ADARB2: variants seen among roughly 807,000 people sequenced by gnomAD.
ADARB2 encodes inactive double-stranded RNA-specific editase B2.
A neutral mutation model predicts 62.2 loss-of-function variants in ADARB2; 25 were observed. The observed-to-expected ratio is 0.40, with a 90% CI of 0.29 to 0.56. ADARB2 has a LOEUF of 0.56. Ranked by LOEUF, ADARB2 falls within the 20% of genes least tolerant of loss-of-function variation. The pLI is 0.43. For synonymous variants in ADARB2, 572 were observed against 500.8 expected (o/e 1.14, Z -1.90); for missense variants, 1,071 against 1,077.4 (o/e 0.99, Z 0.08).
At chr10:1,473,503 C>G (rs1831355109) in intron 1 of ADARB2, among the ~76,000 whole-genome samples, 1 of 152,140 alleles carries the variant, frequency 6.6e-6, no homozygotes, top group South Asian at 2.1e-4. Context: ...CCTCAGCCTC[C>G]TGAGAAGCTG....
chr10:1,614,774 G>T (rs1011524917), intron 1 of ADARB2, among the ~76,000 whole-genome samples: 3 of 152,168 alleles, frequency 2.0e-5, no homozygotes, highest in Non-Finnish European at 4.4e-5. Context: ...AGCCGGGTGT[G>T]GTGGCGGGCA....
chr10:1,450,500 A>G (rs945529042), intron 1 of ADARB2, among the ~76,000 whole-genome samples: 7 of 152,188 alleles, frequency 4.6e-5, no homozygotes, highest in African/African-American at 1.7e-4. Flanking sequence ...TGCACCTGCA[A>G]ATGCCTCCCT....
intron 4 of ADARB2, among the ~76,000 whole-genome samples, chr10:1,244,087 C>A (rs1830954472): frequency 1.3e-5 from 2 of 152,232 alleles, no homozygotes; most frequent in East Asian, 3.8e-4. Context: ...GGGCTGCCCC[C>A]TAGCGGGGGT....
chr10:1,486,161 G>A (rs539236368), intron 1 of ADARB2, among the ~76,000 whole-genome samples: 7 of 151,812 alleles, frequency 4.6e-5, no homozygotes, highest in Non-Finnish European at 1.0e-4. Flanking sequence ...CCTCGTTAGA[G>A]GAAAAACACA....
rs374694558 is a variant in ADARB2 at position 1,409,123 on chromosome 10, C to T, written c.101-29963G>A. Among the ~76,000 whole-genome samples, 11 of 152,148 alleles carry T rather than the reference C, an allele frequency of 7.2e-5. 1 individual carries two copies. The highest frequency in any genetic ancestry group is 2.4e-4 in the African/African-American group (10 of 41,556). On this transcript the variant is annotated intron_variant, in intron 1 of 9. Coordinates refer to ENST00000381312, the MANE Select transcript of ADARB2 (RefSeq NM_018702.4). ...CATGCTCTGTTCACACCACATACCC[C>T]TGAAGCACGCTTGGCCCACGGAGCC... is the stretch of plus-strand genomic sequence containing the variant.
At chr10:1,680,084 T>C (rs1834516268) in intron 1 of ADARB2, among the ~76,000 whole-genome samples, 2 of 151,852 alleles carry the variant, frequency 1.3e-5, no homozygotes, top group South Asian at 4.2e-4. Flanking sequence ...CCCATTCCCC[T>C]ACATATTCTT....
At chr10:1,406,265 T>C (rs1326118085) in intron 1 of ADARB2, among the ~76,000 whole-genome samples, 1 of 152,204 alleles carries the variant, frequency 6.6e-6, no homozygotes, top group African/African-American at 2.4e-5. Flanking sequence ...CTTCTGTGTG[T>C]GGGCCCTCCC....
chr10:1,413,966 C>G (rs929291459), intron 1 of ADARB2, among the ~76,000 whole-genome samples: 1 of 152,110 alleles, frequency 6.6e-6, no homozygotes, highest in African/African-American at 2.4e-5. Context: ...CAGTGAAGCC[C>G]AAAAAACAAT....
At chr10:1,508,298 GAC>G (rs1831878049) in intron 1 of ADARB2, among the ~76,000 whole-genome samples, 1 of 152,204 alleles carries the variant, frequency 6.6e-6, no homozygotes, top group Non-Finnish European at 1.5e-5. Flanking sequence ...AGCTGGTGAA[GAC>G]ACACGCTATG....
intron 1 of ADARB2, among the ~76,000 whole-genome samples, chr10:1,686,333 A>G (rs1834596485): frequency 6.6e-6 from 1 of 152,238 alleles, no homozygotes; most frequent in African/African-American, 2.4e-5. Flanking sequence ...GAATGAATCA[A>G]TTGAGTCGAA....
At chr10:1,273,278 T>A (rs1831281684) in intron 3 of ADARB2, among the ~76,000 whole-genome samples, 1 of 152,196 alleles carries the variant, frequency 6.6e-6, no homozygotes, top group South Asian at 2.1e-4. Flanking sequence ...TATTTTTCTT[T>A]GAGACAGGGT....
chr10:1,400,893 G>T (rs35429538), intron 1 of ADARB2, among the ~76,000 whole-genome samples: 16,894 of 152,212 alleles, frequency 0.11, 1,005 homozygotes, highest in East Asian at 0.2. Context: ...CAGCTGTTTT[G>T]CAGCTAAGGC....
Position 1,470,466 on chromosome 10 carries a change from A to C in ADARB2, c.101-91306T>G, listed in dbSNP as rs573480876. Among the ~76,000 whole-genome samples the C allele has an allele frequency of 4.1e-4, 62 of 152,320 alleles. 2 individuals are homozygous for C. The highest frequency in any genetic ancestry group is 7.8e-4 in the Non-Finnish European group (53 of 68,022). On this transcript the variant is annotated intron_variant, in intron 1 of 9. Transcript: ENST00000381312. ...AAATCGCTGAAAATGTCAAATTAAC[A>C]GAACTTTATACTTAGCAAAATGAAA... is the stretch of plus-strand genomic sequence containing the variant.
intron 7 of ADARB2, among the ~76,000 whole-genome samples, chr10:1,209,443 C>T (rs1168638417): frequency 6.6e-6 from 1 of 150,642 alleles, no homozygotes; most frequent in Non-Finnish European, 1.5e-5. Context: ...ACACCTACAG[C>T]CTGGCCCACA....
intron 1 of ADARB2, among the ~76,000 whole-genome samples, chr10:1,687,943 C>A (rs1242295164): frequency 6.6e-6 from 1 of 152,234 alleles, no homozygotes; most frequent in Non-Finnish European, 1.5e-5. Context: ...TTGCTTGTCA[C>A]ATATGCCGTT....
Position 1,654,480 on chromosome 10 carries a change from G to A in ADARB2, c.100+82571C>T, listed in dbSNP as rs114327183. ...CTAAGCTCTGAAATCCCCTTCCGGCGTGGTGGTGCCTCCCCTGTGCAGCCC... is the reference window on the plus strand; with the variant it reads ...CTAAGCTCTGAAATCCCCTTCCGGCATGGTGGTGCCTCCCCTGTGCAGCCC... On this transcript the variant is annotated intron_variant, in intron 1 of 9. Transcript: ENST00000381312. 7.4e-3 allele frequency among the ~76,000 whole-genome samples: 1,122 copies of A among 152,108 alleles called. 12 individuals are homozygous for A. Among genetic ancestry groups the A allele is most frequent in the African/African-American group, 0.026 (1,065 of 41,486 alleles).
chr10:1,224,502 T>C (rs1211301208), intron 6 of ADARB2, among the ~76,000 whole-genome samples: 1 of 152,080 alleles, frequency 6.6e-6, no homozygotes, highest in Non-Finnish European at 1.5e-5. Flanking sequence ...TTTCTAGTTC[T>C]TTTAATTGTG....
chr10:1,471,074 A>G (rs1831315769), intron 1 of ADARB2, among the ~76,000 whole-genome samples: 1 of 152,020 alleles, frequency 6.6e-6, no homozygotes, highest in Non-Finnish European at 1.5e-5. Flanking sequence ...AACAAAAACA[A>G]ACCCAAAAAA....
Position 1,444,764 on chromosome 10 carries a change from C to T in ADARB2, c.101-65604G>A, listed in dbSNP as rs537392551. Among the ~76,000 whole-genome samples the T allele has an allele frequency of 2.5e-3, 376 of 149,410 alleles. 2 individuals carry two copies. The highest frequency in any genetic ancestry group is 3.5e-3 in the Non-Finnish European group (238 of 67,178). On this transcript the variant is annotated intron_variant, in intron 1 of 9. Coordinates refer to ENST00000381312, the MANE Select transcript of ADARB2 (RefSeq NM_018702.4). The stretch of plus-strand genomic sequence containing the variant: ...TCCATCCATCCACCCATCTATCCAT[C>T]CATTCACCATCCATTTCCATCCATC...
Sources: gnomAD v4.1 joint callset for allele counts (sites outside exome capture counted in the v4.1 genomes callset) on GRCh38, gnomAD v4.1.1 for gene constraint, MANE v1.5 for transcripts, NCBI Gene and HGNC (gene_info 2026-07-23, HGNC 2026-07-21) for gene names.